The following SENP7 variants were observed in gnomAD, a reference collection of about 807,000 sequenced individuals.
SENP7 encodes the protein sentrin-specific protease 7.
Under a neutral mutation model 141.2 loss-of-function variants are expected in SENP7, and 64 were observed. The observed-to-expected ratio is 0.45, with a 90% CI of 0.37 to 0.56. The LOEUF (loss-of-function observed/expected upper bound fraction) is 0.56, where lower values mean the gene tolerates loss of function less well. Ranked by LOEUF, SENP7 falls within the 20% of genes least tolerant of loss-of-function variation. The pLI is 0.00. For synonymous variants in SENP7, 382 were observed against 426.4 expected (o/e 0.90, Z 1.28); for missense variants, 1,025 against 1,212.2 (o/e 0.85, Z 2.29).
At chr3:101,441,438 G>T (rs551502036) in intron 4 of SENP7, among the ~76,000 whole-genome samples, 1 of 151,974 alleles carries the variant, frequency 6.6e-6, no homozygotes, top group Non-Finnish European at 1.5e-5. Flanking sequence ...GGACCTGCCC[G>T]CACAATACTG....
Position 101,340,220 on chromosome 3 carries a change from TA to T in SENP7, c.2241-10del. On this transcript the variant is annotated splice_polypyrimidine_tract_variant and intron_variant, in intron 15 of 23. Transcript: ENST00000394095. Reference sequence around the variant, plus strand: ...GAGGATATACAATCAACCTTAAAAGTAAAAATAAAGTTAACATATACTGATA... The same window carrying T: ...GAGGATATACAATCAACCTTAAAAGTAAAATAAAGTTAACATATACTGATA... 6.3e-7 allele frequency: 1 copy of T among 1,578,166 alleles called. No individual in the cohort carries two copies. Among genetic ancestry groups the T allele is most frequent in the Non-Finnish European group, 8.6e-7 (1 of 1,166,822 alleles).
chr3:101,392,851 G>A (rs889714301), intron 6 of SENP7, among the ~76,000 whole-genome samples: 2 of 152,134 alleles, frequency 1.3e-5, no homozygotes, highest in East Asian at 3.8e-4. Context: ...GGGTGTGGTG[G>A]TACACATCTG....
chr3:101,339,019 G>A (rs984134349), intron 16 of SENP7, among the ~76,000 whole-genome samples: 3 of 152,056 alleles, frequency 2.0e-5, no homozygotes, highest in Non-Finnish European at 4.4e-5. Context: ...AGAAAAATCA[G>A]TCAATTGAAC....
At chr3:101,361,591 C>A in intron 11 of SENP7, 124 bp downstream of exon 11, 2 of 1,039,534 alleles carry the variant, frequency 1.9e-6, no homozygotes, top group Admixed American at 4.0e-5. Flanking sequence ...TCAACATATC[C>A]AAAGTGTCCC....
In SENP7 at chr3:101,367,955, C is replaced by G. The variant is rs1159283641; in HGVS notation, c.853G>C (p.Asp285His). ...ACTTTTGAATCAGAATATTTAACATCCTTGTTTCTGCTTTCCTGTTCGAGA... is the reference window on the plus strand; with the variant it reads ...ACTTTTGAATCAGAATATTTAACATGCTTGTTTCTGCTTTCCTGTTCGAGA... The part of the protein sequence containing the change: ...DHLEQESRNK[D>H]VKYSDSKVEL... The change falls in exon 8 of 24, where the codon GAT becomes CAT. Residue 285 changes from aspartate to histidine, a missense_variant. Coordinates refer to ENST00000394095, the MANE Select transcript of SENP7 (RefSeq NM_020654.5). The G allele has an allele frequency of 2.5e-6, 4 of 1,613,204 alleles. No homozygotes were observed. Among genetic ancestry groups the G allele is most frequent in the Non-Finnish European group, 3.4e-6 (4 of 1,179,500 alleles).
chr3:101,418,494 A>G (rs572758115), intron 4 of SENP7, among the ~76,000 whole-genome samples: 24 of 152,300 alleles, frequency 1.6e-4, no homozygotes, highest in African/African-American at 5.8e-4. Flanking sequence ...TGAACAGGCT[A>G]CCAAGTGCAT....
intron 3 of SENP7, among the ~76,000 whole-genome samples, chr3:101,489,873 T>C (rs1040132739): frequency 2.6e-5 from 4 of 152,138 alleles, no homozygotes; most frequent in African/African-American, 9.7e-5. Context: ...TCATTAGTCA[T>C]CACAAAAATG....
chr3:101,356,417 C>T lies in SENP7; in HGVS notation c.1624-4766G>A, dbSNP rs2059744324. Reference sequence around the variant, plus strand: ...ATAAAGTAATTTGAAAGCTGTATTACATCATTATTCACTTTTCAAAAAAAT... The same window carrying T: ...ATAAAGTAATTTGAAAGCTGTATTATATCATTATTCACTTTTCAAAAAAAT... On this transcript the variant is annotated intron_variant, in intron 11 of 23. Coordinates refer to ENST00000394095, the MANE Select transcript of SENP7 (RefSeq NM_020654.5). Among the ~76,000 whole-genome samples, 3 of 152,064 alleles carry T rather than the reference C, an allele frequency of 2.0e-5. No homozygotes were observed. In the South Asian group the frequency reaches 6.2e-4, roughly 32 times the overall value.
intron 10 of SENP7, among the ~76,000 whole-genome samples, chr3:101,363,880 C>T (rs1387926308): frequency 1.3e-5 from 2 of 152,150 alleles, no homozygotes. Context: ...CACTGGTGGT[C>T]AATGATCTTT....
rs865819607 is a variant in SENP7, at chr3:101,444,832, C to T, written c.284+14123G>A. ...GGGTGCAGCGCACCAGCATGGCACA[C>T]GTATACATATGTAACTAACCTGCAC... On this transcript the variant is annotated intron_variant, in intron 4 of 23. Coordinates refer to ENST00000394095, the MANE Select transcript of SENP7 (RefSeq NM_020654.5). 1.1e-4 allele frequency among the ~76,000 whole-genome samples: 17 copies of T among 151,266 alleles called. No individual in the cohort carries two copies. In the South Asian group the frequency reaches 3.4e-3, roughly 30 times the overall value.
intron 4 of SENP7, among the ~76,000 whole-genome samples, chr3:101,430,355 C>T (rs2062116581): frequency 6.6e-6 from 1 of 152,192 alleles, no homozygotes; most frequent in Admixed American, 6.5e-5. Flanking sequence ...GTTATTGCCT[C>T]AATTTCAGAG....
chr3:101,414,880 G>A (rs1380603040), intron 5 of SENP7, among the ~76,000 whole-genome samples: 1 of 152,156 alleles, frequency 6.6e-6, no homozygotes, highest in East Asian at 1.9e-4. Flanking sequence ...TATATTTCCT[G>A]TGGCCAGTGC....
intron 12 of SENP7, among the ~76,000 whole-genome samples, chr3:101,350,444 G>T (rs911274913): frequency 5.3e-5 from 8 of 152,078 alleles, no homozygotes; most frequent in African/African-American, 1.9e-4. Flanking sequence ...GTTTTAAAAA[G>T]ATTTATGGGA....
intron 4 of SENP7, among the ~76,000 whole-genome samples, chr3:101,458,178 A>AAT (rs1411188161): frequency 6.6e-6 from 1 of 152,166 alleles, no homozygotes; most frequent in African/African-American, 2.4e-5. Context: ...TGGAGTCACC[A>AAT]ATATATGTTT....
chr3:101,337,402 G>A lies in SENP7; in HGVS notation c.2480+107C>T, dbSNP rs1372675377. The A allele has an allele frequency of 4.2e-6, 3 of 712,514 alleles. No homozygotes were observed. In the African/African-American group the frequency reaches 5.6e-5, roughly 13 times the overall value. 44.1% of individuals were successfully genotyped at this position (712,514 alleles called of 1,614,324 possible). ...AACAGACCCAGGACCTGAACAAATG[G>A]TAGTACTGCCTACTTGAGGAAATAC... On this transcript the variant is annotated intron_variant, in intron 17 of 23. Transcript: ENST00000394095.
At chr3:101,489,736 C>T (rs2064884499) in intron 3 of SENP7, among the ~76,000 whole-genome samples, 1 of 152,176 alleles carries the variant, frequency 6.6e-6, no homozygotes, top group Non-Finnish European at 1.5e-5. Flanking sequence ...CCACTGACAG[C>T]ATTAGACAGA....
At chr3:101,342,648 T>C (rs1029740318) in intron 14 of SENP7, among the ~76,000 whole-genome samples, 2 of 152,020 alleles carry the variant, frequency 1.3e-5, no homozygotes, top group African/African-American at 4.8e-5. Flanking sequence ...TTCCTTAGTC[T>C]TTCCTTGTTT....
rs1315621743 is a variant in SENP7, at chr3:101,324,708, C to T, written c.*1235G>A. On this transcript the variant is annotated 3_prime_UTR_variant, in exon 24 of 24. Coordinates refer to ENST00000394095, the MANE Select transcript of SENP7 (RefSeq NM_020654.5). The stretch of plus-strand genomic sequence containing the variant: ...ATCTTAATTTGCCTTTGCTTCACTG[C>T]TTTATGTAGTTATAATGTAAATCTA... The T allele has an allele frequency of 2.0e-5, 3 of 151,960 alleles. No individual in the cohort carries two copies. In the East Asian group the frequency reaches 5.8e-4, roughly 29 times the overall value. 9.4% of individuals were successfully genotyped at this position (151,960 alleles called of 1,614,324 possible). A position where few individuals can be genotyped will look rare whatever the true frequency, so the allele number is the denominator to read the frequency against.
intron 14 of SENP7, among the ~76,000 whole-genome samples, 180 bp downstream of exon 14, chr3:101,343,506 C>T (rs560660938): frequency 7.3e-4 from 111 of 151,336 alleles, no homozygotes; most frequent in African/African-American, 2.7e-3. Flanking sequence ...GGTTATAATC[C>T]CATGCTGTCA....
Sources: gnomAD v4.1 joint callset for allele counts (sites outside exome capture counted in the v4.1 genomes callset) on GRCh38, gnomAD v4.1.1 for gene constraint, MANE v1.5 for transcripts, NCBI Gene and HGNC (gene_info 2026-07-23, HGNC 2026-07-21) for gene names.